Variants in C1QTNF7 observed in about 807,000 individuals in gnomAD.
C1QTNF7 encodes the protein C1q and TNF related 7, also known as complement C1q tumor necrosis factor-related protein 7.
C1QTNF7 carries 15 observed loss-of-function variants against 19.6 expected under a neutral mutation model. The ratio of observed to expected loss-of-function variants is 0.76; its 90% CI spans 0.51 to 1.18. C1QTNF7 has a LOEUF of 1.18. Among genes scored for constraint, C1QTNF7 ranks in the 50% most tolerant of loss-of-function variants. C1QTNF7 has a pLI of 0.00. For missense variants in C1QTNF7, 324 were observed against 359.7 expected, an observed-to-expected ratio of 0.90 and a Z score of 0.80; for synonymous variants, 142 against 137.5, an observed-to-expected ratio of 1.03 and a Z score of -0.23.
intron 2 of C1QTNF7, among the ~76,000 whole-genome samples, chr4:15,438,984 G>T (rs781724525): frequency 6.6e-6 from 1 of 152,182 alleles, no homozygotes; most frequent in Non-Finnish European, 1.5e-5. Context: ...GGAAGAAATG[G>T]CATGGAAGAA....
Position 15,365,139 on chromosome 4 carries a change from G to A in C1QTNF7, c.13+24932G>A, listed in dbSNP as rs558720025. ...GGGGATTTTACAAGCAAACGAGCAG[G>A]TGTTTGGCACCATATATATGTTCAT... On this transcript the variant is annotated intron_variant, in intron 1 of 2. Transcript: ENST00000295297. 7.9e-5 allele frequency among the ~76,000 whole-genome samples: 12 copies of A among 152,134 alleles called. No homozygotes were observed. The South Asian group carries it at 2.5e-3, about 32-fold the overall frequency.
chr4:15,438,966 G>A (rs1712641807), intron 2 of C1QTNF7, among the ~76,000 whole-genome samples: 1 of 152,156 alleles, frequency 6.6e-6, no homozygotes, highest in African/African-American at 2.4e-5. Context: ...ATGAATGGTT[G>A]GATGGAAGGA....
At chr4:15,385,291 C>T (rs1029162425) in intron 1 of C1QTNF7, among the ~76,000 whole-genome samples, 17 of 152,104 alleles carry the variant, frequency 1.1e-4, no homozygotes, top group African/African-American at 3.6e-4. Context: ...AACACAAAGA[C>T]GTACATGTCA....
chr4:15,408,458 G>A (rs1719281255), intron 1 of C1QTNF7, among the ~76,000 whole-genome samples: 1 of 151,788 alleles, frequency 6.6e-6, no homozygotes, highest in Admixed American at 6.6e-5. Flanking sequence ...TTAAGAAAAA[G>A]AATGTATGTA....
At chr4:15,352,270 C>T (rs1051547837) in intron 1 of C1QTNF7, among the ~76,000 whole-genome samples, 5 of 152,174 alleles carry the variant, frequency 3.3e-5, no homozygotes, top group Non-Finnish European at 5.9e-5. Context: ...AAAATAGCTG[C>T]TTCCCATTTT....
chr4:15,373,838 A>G (rs1182939795), intron 1 of C1QTNF7: 1 of 152,250 alleles, frequency 6.6e-6, no homozygotes, highest in African/African-American at 2.4e-5. Flanking sequence ...TCTTTCAGTC[A>G]GAAAATAACA....
chr4:15,346,938 A>G (rs1716739174), intron 1 of C1QTNF7, among the ~76,000 whole-genome samples: 1 of 152,188 alleles, frequency 6.6e-6, no homozygotes, highest in African/African-American at 2.4e-5. Flanking sequence ...TCCTTATGCA[A>G]CAGGGGTCTA....
At chr4:15,366,763 C>G (rs983932923) in intron 1 of C1QTNF7, among the ~76,000 whole-genome samples, 4 of 152,168 alleles carry the variant, frequency 2.6e-5, no homozygotes, top group African/African-American at 4.8e-5. Flanking sequence ...CTAAAACAAG[C>G]AAGCCTCAGT....
chr4:15,426,808 G>A (rs558607381), upstream of C1QTNF7, among the ~76,000 whole-genome samples: 156 of 152,288 alleles, frequency 1.0e-3, no homozygotes, highest in African/African-American at 3.6e-3. Context: ...TTAAAAGGCT[G>A]TATCACCTGA....
intron 1 of C1QTNF7, among the ~76,000 whole-genome samples, chr4:15,359,669 C>G (rs1305913789): frequency 6.6e-6 from 1 of 152,104 alleles, no homozygotes; most frequent in Non-Finnish European, 1.5e-5. Context: ...AATAGGACTA[C>G]GAGATCTTTA....
Position 15,442,371 on chromosome 4 carries a change from T to C in C1QTNF7, c.442T>C (p.Ser148Pro). Residue 148 changes from serine to proline, a missense_variant, in exon 3 of 3, where the codon TCC (serine) becomes CCC (proline). Ser to Pro is a moderately conservative substitution (Grantham distance 74). Transcript: ENST00000444304. Reference sequence around the variant, plus strand: ...CAGATGTGGAAGCATCGTGCTCAAATCCGCCTTTTCTGTTGGCATCACAAC... The same window carrying C: ...CAGATGTGGAAGCATCGTGCTCAAACCCGCCTTTTCTGTTGGCATCACAAC... ...VCRCGSIVLK[S>P]AFSVGITTSY... is the part of the protein sequence containing the mutation. The C allele has an allele frequency of 6.2e-7, 1 of 1,614,148 alleles. No individual in the cohort carries two copies. The highest frequency in any genetic ancestry group is 8.5e-7 in the Non-Finnish European group (1 of 1,180,002).
rs548543034 is a variant in C1QTNF7 at position 15,388,684 on chromosome 4, C to T, written c.14-47052C>T. Among the ~76,000 whole-genome samples, 6 of 152,116 alleles carry T rather than the reference C, an allele frequency of 3.9e-5. No homozygotes were observed. The South Asian group carries it at 1.2e-3, about 32-fold the overall frequency. ...GCTGTGGTGGAGAGGAAGACAAGAC[C>T]GTTGGAAGAAAAAAGGTTCAGGAAC... On this transcript the variant is annotated intron_variant, in intron 1 of 2. Transcript: ENST00000295297.
chr4:15,389,664 C>T (rs1003415651), intron 1 of C1QTNF7, among the ~76,000 whole-genome samples: 1 of 152,138 alleles, frequency 6.6e-6, no homozygotes, highest in East Asian at 1.9e-4. Context: ...CGTGATCCAC[C>T]TACCTCGGCC....
rs905752658 is a variant in C1QTNF7, at chr4:15,428,063, T to C, written c.-52T>C. ...GCTCTCATGAAAGATCCTCAGTCTCTTGTGGATTTAGAATCCTGCAGCAGC... is the reference window on the plus strand; with the variant it reads ...GCTCTCATGAAAGATCCTCAGTCTCCTGTGGATTTAGAATCCTGCAGCAGC... On this transcript the variant is annotated 5_prime_UTR_variant, in exon 1 of 3. Transcript: ENST00000444304. 1.0e-6 allele frequency: 1 copy of C among 985,464 alleles called. No homozygotes were observed. Among genetic ancestry groups the C allele is most frequent in the Non-Finnish European group, 1.2e-6 (1 of 829,934 alleles). 61.0% of individuals were successfully genotyped at this position (985,464 alleles called of 1,614,324 possible). A position where few individuals can be genotyped will look rare whatever the true frequency, so the allele number is the denominator to read the frequency against.
chr4:15,397,017 G>C (rs1398537050), intron 1 of C1QTNF7, among the ~76,000 whole-genome samples: 3 of 150,544 alleles, frequency 2.0e-5, no homozygotes, highest in African/African-American at 4.9e-5. Flanking sequence ...GCAAGGAGGA[G>C]CAAGTCCCGT....
chr4:15,436,921 G>A (rs777090200), intron 2 of C1QTNF7, among the ~76,000 whole-genome samples: 2 of 152,122 alleles, frequency 1.3e-5, no homozygotes, highest in African/African-American at 2.4e-5. Context: ...CAGATTATTG[G>A]ATAATAATTC....
intron 1 of C1QTNF7, among the ~76,000 whole-genome samples, chr4:15,407,510 A>T (rs1292371520): frequency 6.6e-6 from 1 of 152,206 alleles, no homozygotes; most frequent in Admixed American, 6.5e-5. Context: ...ACCTGGCCAG[A>T]GGCTCATCCA....
intron 1 of C1QTNF7, among the ~76,000 whole-genome samples, chr4:15,418,403 C>T (rs1711545880): frequency 6.6e-6 from 1 of 152,130 alleles, no homozygotes; most frequent in Admixed American, 6.6e-5. Flanking sequence ...TTCTTACAGG[C>T]CATTTTGTCT....
At chr4:15,353,791 A>G (rs1169605680) in intron 1 of C1QTNF7, among the ~76,000 whole-genome samples, 2 of 152,198 alleles carry the variant, frequency 1.3e-5, no homozygotes, top group African/African-American at 4.8e-5. Flanking sequence ...AATCTGGACA[A>G]TACGGCAAGC....
Sources: gnomAD v4.1 joint callset for allele counts (sites outside exome capture counted in the v4.1 genomes callset) on GRCh38, gnomAD v4.1.1 for gene constraint, MANE v1.5 for transcripts, NCBI Gene and HGNC (gene_info 2026-07-23, HGNC 2026-07-21) for gene names.